The following CBFA2T2 variants were observed in gnomAD, a reference collection of about 807,000 sequenced individuals.
The protein encoded by CBFA2T2 is protein CBFA2T2.
Under a neutral mutation model 62.2 loss-of-function variants are expected in CBFA2T2, and 11 were observed. The observed-to-expected ratio is 0.18, with a 90% CI of 0.11 to 0.29. The LOEUF is 0.29. CBFA2T2 is among the 10% of genes least tolerant of loss of function. The probability of loss-of-function intolerance (pLI) is 1.00; values close to 1 mark genes in which losing one functional copy is unlikely to be tolerated. For synonymous variants in CBFA2T2, 295 were observed against 287.5 expected, an observed-to-expected ratio of 1.03 and a Z score of -0.27; for missense variants, 592 against 774.1, an observed-to-expected ratio of 0.76 and a Z score of 2.79.
At chr20:33,540,131 TAAAAC>T (rs938149955) in intron 1 of CBFA2T2, among the ~76,000 whole-genome samples, 7 of 152,332 alleles carry the variant, frequency 4.6e-5, no homozygotes, top group African/African-American at 1.7e-4. Context: ...GGGTTGCTCA[TAAAAC>T]AGAATGGGAG....
intron 1 of CBFA2T2, among the ~76,000 whole-genome samples, chr20:33,599,193 C>T (rs1026782357): frequency 1.5e-4 from 23 of 151,640 alleles, no homozygotes; most frequent in East Asian, 9.7e-4. Context: ...ACCCAGGAGG[C>T]GGAGGTTGCA....
intron 1 of CBFA2T2, among the ~76,000 whole-genome samples, chr20:33,545,529 A>C (rs559768055): frequency 1.0e-3 from 51 of 50,596 alleles, no homozygotes; most frequent in Middle Eastern, 6.9e-3. Context: ...CCTCACTGCA[A>C]CCTCTGCCTC....
At chr20:33,503,714 G>T (rs1229481251) in intron 1 of CBFA2T2, among the ~76,000 whole-genome samples, 1 of 152,042 alleles carries the variant, frequency 6.6e-6, no homozygotes, top group East Asian at 1.9e-4. Context: ...TTGTGACAGG[G>T]TCTTACTATG....
rs570613679 is a variant in CBFA2T2 at position 33,574,094 on chromosome 20, T to C, written c.35-32862T>C. 8.3e-5 allele frequency: 127 copies of C among 1,529,274 alleles called. 2 individuals carry two copies. In the South Asian group the frequency reaches 1.4e-3, roughly 17 times the overall value. 94.7% of individuals were successfully genotyped at this position (1,529,274 alleles called of 1,614,324 possible). A position where few individuals can be genotyped will look rare whatever the true frequency, so the allele number is the denominator to read the frequency against. On this transcript the variant is annotated intron_variant, in intron 1 of 10. Transcript: ENST00000342704. ...AAGAGCCACCATACCAGTTCCTGTC[T>C]AGATATTATGATGAAGATTGAGGAT...
intron 1 of CBFA2T2, among the ~76,000 whole-genome samples, chr20:33,501,363 TC>T (rs1710013435): frequency 6.6e-6 from 1 of 152,214 alleles, no homozygotes; most frequent in South Asian, 2.1e-4. Context: ...TTTTAATTTT[TC>T]GAAGCCACAT....
chr20:33,577,673 A>G (rs2013892113), intron 1 of CBFA2T2, among the ~76,000 whole-genome samples: 1 of 152,174 alleles, frequency 6.6e-6, no homozygotes, highest in African/African-American at 2.4e-5. Context: ...TCCTACAATA[A>G]TTAATTCTTT....
chr20:33,633,654 G>A (rs888907490), intron 8 of CBFA2T2, among the ~76,000 whole-genome samples: 1 of 152,148 alleles, frequency 6.6e-6, no homozygotes, highest in Non-Finnish European at 1.5e-5. Flanking sequence ...AAACCATAAG[G>A]AAAAGAAGAA....
chr20:33,518,427 T>C (rs770484937), intron 1 of CBFA2T2, among the ~76,000 whole-genome samples: 3 of 151,988 alleles, frequency 2.0e-5, no homozygotes, highest in Non-Finnish European at 4.4e-5. Context: ...GATAATGAAG[T>C]AGGCTCTTGT....
intron 1 of CBFA2T2, among the ~76,000 whole-genome samples, chr20:33,534,691 T>A (rs1307644943): frequency 6.6e-6 from 1 of 152,014 alleles, no homozygotes; most frequent in Admixed American, 6.6e-5. Context: ...ATTACTTGTC[T>A]ATTTTCTTAA....
chr20:33,537,779 A>G (rs2012305934), intron 1 of CBFA2T2, among the ~76,000 whole-genome samples: 1 of 152,108 alleles, frequency 6.6e-6, no homozygotes, highest in African/African-American at 2.4e-5. Context: ...TTGTCCTTGT[A>G]CCTTTGTCAA....
chr20:33,509,822 C>CT (rs779240592), intron 1 of CBFA2T2, among the ~76,000 whole-genome samples: 3,424 of 141,922 alleles, frequency 0.024, 114 homozygotes, highest in African/African-American at 0.081. Flanking sequence ...GAGTAAAACT[C>CT]TTTTTTTTTT....
At chr20:33,597,349 A>G (rs1014726312) in intron 1 of CBFA2T2, among the ~76,000 whole-genome samples, 2 of 152,210 alleles carry the variant, frequency 1.3e-5, no homozygotes, top group Non-Finnish European at 2.9e-5. Context: ...TCTAAGATTC[A>G]ATTTAGGAAA....
chr20:33,533,889 C>T (rs192271960), intron 1 of CBFA2T2, among the ~76,000 whole-genome samples: 5 of 152,200 alleles, frequency 3.3e-5, no homozygotes, highest in East Asian at 1.9e-4. Context: ...GCTGGAGAAC[C>T]GCTTGAACCC....
At chr20:33,534,750 GC>G (rs2012157805) in intron 1 of CBFA2T2, among the ~76,000 whole-genome samples, 2 of 83,316 alleles carry the variant, frequency 2.4e-5, no homozygotes, top group African/African-American at 4.4e-5. Context: ...TATCTTTTTA[GC>G]TTTTTTTTTT....
intron 4 of CBFA2T2, among the ~76,000 whole-genome samples, chr20:33,621,285 G>GC (rs2015956580): frequency 1.1e-5 from 1 of 93,666 alleles, no homozygotes; most frequent in Admixed American, 1.0e-4. Flanking sequence ...TAATTTTACT[G>GC]CCTTTTTTTT....
chr20:33,617,268 T>C (rs981049679), intron 3 of CBFA2T2, among the ~76,000 whole-genome samples: 4 of 152,196 alleles, frequency 2.6e-5, no homozygotes, highest in South Asian at 2.1e-4. Flanking sequence ...ATACGTCTTC[T>C]CTGTGAGTCA....
intron 1 of CBFA2T2, among the ~76,000 whole-genome samples, chr20:33,523,353 C>A (rs968930132): frequency 1.3e-5 from 2 of 151,104 alleles, no homozygotes; most frequent in African/African-American, 4.9e-5. Context: ...AATCTTGGCT[C>A]ACTGCAACCT....
intron 1 of CBFA2T2, among the ~76,000 whole-genome samples, chr20:33,539,471 T>C (rs2012351555): frequency 6.6e-6 from 1 of 152,214 alleles, no homozygotes; most frequent in Non-Finnish European, 1.5e-5. Flanking sequence ...TTATTACTCA[T>C]TTCCTATCAT....
intron 1 of CBFA2T2, among the ~76,000 whole-genome samples, chr20:33,556,122 C>T (rs184144092): frequency 6.6e-6 from 1 of 152,342 alleles, no homozygotes; most frequent in Non-Finnish European, 1.5e-5. Flanking sequence ...CTTCCTTGGC[C>T]TCCCAAAGTT....
Sources: allele counts gnomAD v4.1 joint callset (sites outside exome capture counted in the v4.1 genomes callset), GRCh38; gene constraint gnomAD v4.1.1; transcripts MANE v1.5; gene names NCBI Gene and HGNC (gene_info 2026-07-23, HGNC 2026-07-21).